The following CDH6 variants were observed in gnomAD, a reference collection of about 807,000 sequenced individuals.
CDH6 encodes cadherin 6.
CDH6 carries 31 observed loss-of-function variants against 78.0 expected under a neutral mutation model. The ratio of observed to expected loss-of-function variants is 0.40; its 90% CI spans 0.30 to 0.54. The LOEUF (loss-of-function observed/expected upper bound fraction) is 0.54. CDH6 is among the 20% of genes least tolerant of loss of function. The pLI, the probability that CDH6 is intolerant of heterozygous loss-of-function variation, is 0.56. For missense variants in CDH6, 724 were observed against 975.9 expected (o/e 0.74, Z 3.44); for synonymous variants, 376 against 368.8 (o/e 1.02, Z -0.23).
At position 31,327,495 on chromosome 5, in the gene CDH6, T is replaced by A. The variant is rs1336727218; in HGVS notation, c.*4187T>A. 1.0e-5 allele frequency: 2 copies of A among 191,390 alleles called. No individual in the cohort carries two copies. The highest frequency in any genetic ancestry group is 4.6e-5 in the African/African-American group (2 of 43,056). The allele number at this position is 191,390 out of a possible 1,614,324, so 11.9% of individuals were successfully genotyped here. A position where few individuals can be genotyped will look rare whatever the true frequency, so the allele number is the denominator to read the frequency against. On this transcript the variant is annotated 3_prime_UTR_variant, in exon 12 of 12. Coordinates refer to ENST00000265071, the MANE Select transcript of CDH6 (RefSeq NM_004932.4). ...TATCAAGATGAAATCTTGTTTGAAT[T>A]GTGATATTATAAAAGGGGACTCAAA...
At chr5:31,234,200 C>G (rs181649940) in intron 1 of CDH6, among the ~76,000 whole-genome samples, 3 of 152,064 alleles carry the variant, frequency 2.0e-5, no homozygotes, top group Admixed American at 1.3e-4. Context: ...GTTACTCTTG[C>G]CTGATGTTGT....
intron 1 of CDH6, among the ~76,000 whole-genome samples, chr5:31,213,231 G>C (rs562311630): frequency 6.6e-6 from 1 of 152,270 alleles, no homozygotes; most frequent in South Asian, 2.1e-4. Context: ...CAATGAAAGC[G>C]CAGAATTAAG....
chr5:31,262,972 T>C (rs1742249085), intron 1 of CDH6, among the ~76,000 whole-genome samples: 1 of 152,186 alleles, frequency 6.6e-6, no homozygotes, highest in African/African-American at 2.4e-5. Context: ...TTTTTGCATT[T>C]AGGGGCATGC....
At chr5:31,276,505 G>T (rs1742697096) in intron 2 of CDH6, among the ~76,000 whole-genome samples, 2 of 152,148 alleles carry the variant, frequency 1.3e-5, no homozygotes, top group Admixed American at 1.3e-4. Context: ...GGACTTGAGG[G>T]CAGTGATAAG....
chr5:31,258,966 G>A lies in CDH6; in HGVS notation c.-128-8380G>A, dbSNP rs17475603. Among the ~76,000 whole-genome samples the A allele has an allele frequency of 6.6e-5, 10 of 152,100 alleles. No individual in the cohort carries two copies. In the South Asian group the frequency reaches 1.7e-3, roughly 25 times the overall value. On this transcript the variant is annotated intron_variant, in intron 1 of 11. Coordinates refer to ENST00000265071, the MANE Select transcript of CDH6 (RefSeq NM_004932.4). ...GATCTGGCTTTATTACATACTCACT[G>A]CATGACCGTGGACAAGCTATTTGAC...
chr5:31,282,461 T>G (rs997770923), intron 2 of CDH6, among the ~76,000 whole-genome samples: 1 of 151,970 alleles, frequency 6.6e-6, no homozygotes, highest in Non-Finnish European at 1.5e-5. Flanking sequence ...CATCTCTCAC[T>G]CCAACTCTCC....
chr5:31,263,121 A>C (rs1742252253), intron 1 of CDH6, among the ~76,000 whole-genome samples: 2 of 152,144 alleles, frequency 1.3e-5, no homozygotes, highest in Non-Finnish European at 2.9e-5. Flanking sequence ...AAAGGATTTT[A>C]TTTCTTAAAG....
At chr5:31,226,567 G>C (rs888232242) in intron 1 of CDH6, among the ~76,000 whole-genome samples, 4 of 152,144 alleles carry the variant, frequency 2.6e-5, no homozygotes, top group Non-Finnish European at 5.9e-5. Flanking sequence ...GGCACAGAGA[G>C]GTTGTGCGAC....
intron 1 of CDH6, among the ~76,000 whole-genome samples, chr5:31,216,371 T>G (rs1031129501): frequency 2.6e-5 from 4 of 152,152 alleles, no homozygotes; most frequent in African/African-American, 9.7e-5. Flanking sequence ...GAAAATGGTT[T>G]GTCCATTTTT....
rs536549751 is a variant in CDH6, at chr5:31,253,199, A to T, written c.-128-14147A>T. Among the ~76,000 whole-genome samples the T allele has an allele frequency of 8.5e-5, 13 of 152,260 alleles. No homozygotes were observed. In the East Asian group the frequency reaches 2.5e-3, roughly 29 times the overall value. ...GGTTCTGTGTCCCCACCCAAATCTC[A>T]TCTTGAATTGTAGTTCCCATAATCC... On this transcript the variant is annotated intron_variant, in intron 1 of 11. Coordinates refer to ENST00000265071, the MANE Select transcript of CDH6 (RefSeq NM_004932.4).
chr5:31,255,975 T>C (rs934437479), intron 1 of CDH6, among the ~76,000 whole-genome samples: 1 of 152,218 alleles, frequency 6.6e-6, no homozygotes, highest in Non-Finnish European at 1.5e-5. Context: ...AGAAGTGTCA[T>C]GGTAGTGTTT....
At chr5:31,214,168 G>A (rs1040354740) in intron 1 of CDH6, among the ~76,000 whole-genome samples, 19 of 149,540 alleles carry the variant, frequency 1.3e-4, no homozygotes, top group African/African-American at 3.2e-4. Flanking sequence ...ACAGGCAGCA[G>A]TCTGGGAAAA....
chr5:31,255,748 T>C (rs1742037744), intron 1 of CDH6, among the ~76,000 whole-genome samples: 1 of 152,218 alleles, frequency 6.6e-6, no homozygotes. Context: ...TTTAAGTTAT[T>C]ATACAAAATT....
At chr5:31,199,685 G>GTGTGTGTGTATATATATA (rs796740950) in intron 1 of CDH6, among the ~76,000 whole-genome samples, 1 of 79,852 alleles carries the variant, frequency 1.3e-5, no homozygotes, top group Non-Finnish European at 2.4e-5. Context: ...GTGTGTGTGT[G>GTGTGTGTGTATATATATA]TATATATATA....
At chr5:31,251,837 T>C (rs772951745) in intron 1 of CDH6, 2 of 152,228 alleles carry the variant, frequency 1.3e-5, no homozygotes, top group Non-Finnish European at 2.9e-5. Flanking sequence ...TTATTATAAA[T>C]AAATGTCAAG....
At chr5:31,270,767 G>A (rs1174537407) in intron 2 of CDH6, among the ~76,000 whole-genome samples, 2 of 151,666 alleles carry the variant, frequency 1.3e-5, no homozygotes, top group South Asian at 2.1e-4. Flanking sequence ...CGCAGTCTCC[G>A]CTTACTGCAG....
intron 1 of CDH6, among the ~76,000 whole-genome samples, chr5:31,198,811 C>A (rs1309755558): frequency 2.6e-5 from 4 of 152,094 alleles, no homozygotes; most frequent in African/African-American, 7.2e-5. Flanking sequence ...AACATAATTA[C>A]ATCATTAACA....
At chr5:31,247,968 T>C (rs1359543387) in intron 1 of CDH6, among the ~76,000 whole-genome samples, 1 of 152,212 alleles carries the variant, frequency 6.6e-6, no homozygotes, top group East Asian at 1.9e-4. Flanking sequence ...AATCTTATTC[T>C]GGAGACTTTT....
chr5:31,262,838 G>T (rs1323540899), intron 1 of CDH6, among the ~76,000 whole-genome samples: 1 of 152,006 alleles, frequency 6.6e-6, no homozygotes, highest in Non-Finnish European at 1.5e-5. Context: ...TTACCACATG[G>T]TTCCCCTCTA....
Sources: gnomAD v4.1 joint callset for allele counts (sites outside exome capture counted in the v4.1 genomes callset) on GRCh38, gnomAD v4.1.1 for gene constraint, MANE v1.5 for transcripts, NCBI Gene and HGNC (gene_info 2026-07-23, HGNC 2026-07-21) for gene names.